The following FRMPD4 variants were observed in gnomAD, a reference collection of about 807,000 sequenced individuals.
FRMPD4 encodes FERM and PDZ domain-containing protein 4.
A neutral mutation model predicts 94.1 loss-of-function variants in FRMPD4; 22 were observed. The observed-to-expected ratio is 0.23, with a 90% CI of 0.17 to 0.33. FRMPD4 has a LOEUF of 0.33. Among genes scored for constraint, FRMPD4 ranks in the 10% least tolerant of loss-of-function variants. The pLI is 1.00. For synonymous variants in FRMPD4, 631 were observed against 548.6 expected, an observed-to-expected ratio of 1.15 and a Z score of -2.10; for missense variants, 1,111 against 1,339.9, an observed-to-expected ratio of 0.83 and a Z score of 2.67.
intron 10 of FRMPD4, among the ~76,000 whole-genome samples, chrX:12,704,046 C>T (rs1264928338): frequency 1.8e-5 from 2 of 112,440 alleles, no homozygotes; most frequent in African/African-American, 6.5e-5. Flanking sequence ...AACTCGGATA[C>T]GTGAGTGACT....
intron 3 of FRMPD4, among the ~76,000 whole-genome samples, chrX:11,929,645 C>T (rs1274483198): frequency 2.7e-5 from 3 of 112,097 alleles, no homozygotes; most frequent in Non-Finnish European, 3.8e-5. Context: ...GGCCATGCCC[C>T]GGACACTCTC....
At chrX:12,413,048 T>C (rs1001367856) in intron 1 of FRMPD4, among the ~76,000 whole-genome samples, 1 of 111,182 alleles carries the variant, frequency 9.0e-6, no homozygotes, top group African/African-American at 3.3e-5. Context: ...TGTGCAGCCC[T>C]GGCCACATTT....
chrX:12,471,854 G>T (rs941786510), intron 1 of FRMPD4, among the ~76,000 whole-genome samples: 2 of 112,057 alleles, frequency 1.8e-5, no homozygotes, highest in Admixed American at 1.9e-4. Flanking sequence ...AGCAAGTCAT[G>T]TGACCAAGTG....
At chrX:12,684,807 A>G (rs777304099) in intron 6 of FRMPD4, among the ~76,000 whole-genome samples, 1 of 112,596 alleles carries the variant, frequency 8.9e-6, no homozygotes, top group South Asian at 3.7e-4. Flanking sequence ...AAGCTGCTAC[A>G]GCAGTGTCAG....
At chrX:11,866,169 G>A (rs758754260) in intron 2 of FRMPD4, among the ~76,000 whole-genome samples, 21 of 111,464 alleles carry the variant, frequency 1.9e-4, no homozygotes, top group Admixed American at 2.9e-4. Flanking sequence ...TTGGCTTCAT[G>A]GGATTTGGCT....
chrX:12,126,416 G>A (rs778842146), intron 3 of FRMPD4, among the ~76,000 whole-genome samples: 1 of 112,000 alleles, frequency 8.9e-6, no homozygotes, highest in African/African-American at 3.2e-5. Flanking sequence ...CCATCTTCCT[G>A]CTCTAAGAGA....
chrX:12,248,296 T>G (rs1278171436), intron 1 of FRMPD4, among the ~76,000 whole-genome samples: 1 of 112,203 alleles, frequency 8.9e-6, no homozygotes, highest in Non-Finnish European at 1.9e-5. Flanking sequence ...TGACAACATA[T>G]TCATTCTCTT....
At chrX:11,901,029 C>G (rs2147329079) in intron 3 of FRMPD4, among the ~76,000 whole-genome samples, 1 of 111,548 alleles carries the variant, frequency 9.0e-6, no homozygotes, top group Non-Finnish European at 1.9e-5. Flanking sequence ...TAAAATCCCT[C>G]TAAGGTAATG....
At chrX:12,407,351 G>A (rs867812720) in intron 1 of FRMPD4, among the ~76,000 whole-genome samples, 10 of 111,812 alleles carry the variant, frequency 8.9e-5, no homozygotes, top group Middle Eastern at 4.6e-3. Flanking sequence ...ATTACTAGCC[G>A]TGGAACATGC....
At chrX:12,074,252 A>G (rs755705955) in intron 3 of FRMPD4, among the ~76,000 whole-genome samples, 1 of 111,814 alleles carries the variant, frequency 8.9e-6, no homozygotes, top group Non-Finnish European at 1.9e-5. Context: ...GATCACCACT[A>G]CTGCTATAAC....
chrX:11,880,876 C>T (rs1305442472), intron 3 of FRMPD4, among the ~76,000 whole-genome samples: 1 of 112,045 alleles, frequency 8.9e-6, no homozygotes, highest in African/African-American at 3.2e-5. Context: ...CTCCTGACTT[C>T]AAGTGATCCA....
intron 3 of FRMPD4, among the ~76,000 whole-genome samples, chrX:12,060,016 G>A (rs2147459859): frequency 9.0e-6 from 1 of 111,494 alleles, no homozygotes; most frequent in East Asian, 2.8e-4. Flanking sequence ...CTGCCTTGTG[G>A]AAGATGGATT....
At chrX:12,655,508 G>A (rs1466511673) in intron 4 of FRMPD4, among the ~76,000 whole-genome samples, 1 of 112,067 alleles carries the variant, frequency 8.9e-6, no homozygotes, top group Non-Finnish European at 1.9e-5. Flanking sequence ...ATATCATGCT[G>A]CCATGATACA....
chrX:12,412,958 ATAATAC>A (rs1203583404), intron 1 of FRMPD4, among the ~76,000 whole-genome samples: 104 of 110,106 alleles, frequency 9.4e-4, no homozygotes, highest in African/African-American at 3.4e-3. Context: ...AGTAAAAATA[ATAATAC>A]TGATAGTCAT....
chrX:12,380,335 C>A (rs1174186663), intron 1 of FRMPD4, among the ~76,000 whole-genome samples: 1 of 111,887 alleles, frequency 8.9e-6, no homozygotes, highest in Non-Finnish European at 1.9e-5. Context: ...AGAATGAGTA[C>A]TGTGTTTAGA....
chrX:12,044,676 C>T (rs1221471121), intron 3 of FRMPD4, among the ~76,000 whole-genome samples: 1 of 111,654 alleles, frequency 9.0e-6, no homozygotes, highest in Non-Finnish European at 1.9e-5. Flanking sequence ...ATTTCAGGTC[C>T]CAACTATCTA....
intron 1 of FRMPD4, among the ~76,000 whole-genome samples, chrX:12,203,099 G>A (rs2056649257): frequency 8.9e-6 from 1 of 111,793 alleles, no homozygotes; most frequent in Non-Finnish European, 1.9e-5. Flanking sequence ...CCCACTTGAT[G>A]TTCCCCTTTC....
intron 2 of FRMPD4, among the ~76,000 whole-genome samples, chrX:12,579,223 T>G (rs1429594010): frequency 8.9e-6 from 1 of 112,296 alleles, no homozygotes; most frequent in East Asian, 2.8e-4. Context: ...TCAAAATCGG[T>G]TTTTTCCATT....
intron 4 of FRMPD4, among the ~76,000 whole-genome samples, chrX:12,624,558 C>A (rs2059328184): frequency 9.0e-6 from 1 of 111,069 alleles, no homozygotes; most frequent in Non-Finnish European, 1.9e-5. Flanking sequence ...TATATCATTA[C>A]AAAATATTAA....
Sources: allele counts gnomAD v4.1 joint callset (sites outside exome capture counted in the v4.1 genomes callset), GRCh38; gene constraint gnomAD v4.1.1; transcripts MANE v1.5; gene names NCBI Gene and HGNC (gene_info 2026-07-23, HGNC 2026-07-21).